KSR2: variants seen among roughly 807,000 people sequenced by gnomAD.
The protein encoded by KSR2 is kinase suppressor of ras 2.
Under a neutral mutation model 107.8 loss-of-function variants are expected in KSR2, and 25 were observed. That is an observed-to-expected ratio of 0.23 (90% CI 0.17 to 0.32). The LOEUF (loss-of-function observed/expected upper bound fraction) is 0.32, where lower values mean the gene tolerates loss of function less well. Among genes scored for constraint, KSR2 ranks in the 10% least tolerant of loss-of-function variants. The probability of loss-of-function intolerance (pLI) is 1.00; values close to 1 mark genes in which losing one functional copy is unlikely to be tolerated. For missense variants in KSR2, 887 were observed against 1,268.9 expected, an observed-to-expected ratio of 0.70 and a Z score of 4.57; for synonymous variants, 480 against 507.0, an observed-to-expected ratio of 0.95 and a Z score of 0.71.
intron 4 of KSR2, among the ~76,000 whole-genome samples, chr12:117,739,311 C>T (rs1888081352): frequency 6.6e-6 from 1 of 152,070 alleles, no homozygotes; most frequent in African/African-American, 2.4e-5. Context: ...GCCGAGAGCG[C>T]GCCACTGCAC....
chr12:117,697,146 G>A (rs1241514380), intron 4 of KSR2, among the ~76,000 whole-genome samples: 3 of 152,194 alleles, frequency 2.0e-5, no homozygotes, highest in Non-Finnish European at 4.4e-5. Flanking sequence ...CGAGATGGAA[G>A]GTTCCCTATC....
chr12:117,627,405 A>G (rs991790061), intron 5 of KSR2, among the ~76,000 whole-genome samples: 1 of 152,192 alleles, frequency 6.6e-6, no homozygotes, highest in Non-Finnish European at 1.5e-5. Context: ...GGTGGTGACA[A>G]AATCTCTCAG....
intron 1 of KSR2, among the ~76,000 whole-genome samples, chr12:117,927,458 G>A (rs569524695): frequency 2.0e-5 from 3 of 151,802 alleles, no homozygotes; most frequent in Admixed American, 1.3e-4. Flanking sequence ...TTGGGAGGCC[G>A]AGGCAGGTGG....
At chr12:117,929,797 C>T (rs1895646442) in intron 1 of KSR2, among the ~76,000 whole-genome samples, 1 of 152,100 alleles carries the variant, frequency 6.6e-6, no homozygotes. Flanking sequence ...ACAAGAGGTA[C>T]CTACAACAGG....
At chr12:117,919,423 G>A (rs992900737) in intron 1 of KSR2, among the ~76,000 whole-genome samples, 1 of 152,152 alleles carries the variant, frequency 6.6e-6, no homozygotes, top group Admixed American at 6.5e-5. Flanking sequence ...ATAAGTGGAG[G>A]GATCATCAGC....
rs568752625 is a variant in KSR2, at chr12:117,535,421, G to A, written c.1688-3714C>T. Among the ~76,000 whole-genome samples the A allele has an allele frequency of 6.6e-5, 10 of 152,266 alleles. No individual in the cohort carries two copies. In the South Asian group the frequency reaches 1.7e-3, roughly 25 times the overall value. On this transcript the variant is annotated intron_variant, in intron 10 of 19. Transcript: ENST00000339824. Reference sequence around the variant, plus strand: ...AAGTGAGTATGTAAACCAGATCATGGCACAGAGTGATGAGCATAAAAGAGG... The same window carrying A: ...AAGTGAGTATGTAAACCAGATCATGACACAGAGTGATGAGCATAAAAGAGG...
At chr12:117,688,930 T>C (rs1885701588) in intron 4 of KSR2, among the ~76,000 whole-genome samples, 1 of 152,162 alleles carries the variant, frequency 6.6e-6, no homozygotes. Flanking sequence ...CTGCCTCCTT[T>C]TTCCTTCCTT....
intron 9 of KSR2, among the ~76,000 whole-genome samples, chr12:117,550,187 A>ATGGCCTCCTGGAG (rs1369496994): frequency 6.6e-6 from 1 of 152,212 alleles, no homozygotes; most frequent in East Asian, 1.9e-4. Context: ...GGTGAGAGGA[A>ATGGCCTCCTGGAG]TGGCCTCCTG....
intron 3 of KSR2, among the ~76,000 whole-genome samples, chr12:117,805,217 C>T (rs1038565143): frequency 6.6e-6 from 1 of 152,212 alleles, no homozygotes; most frequent in African/African-American, 2.4e-5. Flanking sequence ...TTGTTAAATG[C>T]TAATCTCCCA....
chr12:117,517,169 G>C (rs1000586750), intron 14 of KSR2, among the ~76,000 whole-genome samples: 51 of 152,330 alleles, frequency 3.3e-4, no homozygotes, highest in Admixed American at 3.1e-3. Context: ...CCAAAAACTT[G>C]CATCTTGGAC....
intron 6 of KSR2, 115 bp downstream of exon 6, chr12:117,582,175 T>G (rs542547743): frequency 1.4e-5 from 11 of 791,806 alleles, no homozygotes; most frequent in Non-Finnish European, 2.1e-5. Flanking sequence ...GACATGGTGA[T>G]GTAGGTGCTG....
intron 3 of KSR2, among the ~76,000 whole-genome samples, chr12:117,796,635 G>A (rs1416975478): frequency 6.6e-6 from 1 of 152,126 alleles, no homozygotes; most frequent in Non-Finnish European, 1.5e-5. Context: ...ATTTCCCCAA[G>A]GCTCAGTTTC....
At chr12:117,577,002 A>G (rs1232044417) in intron 7 of KSR2, among the ~76,000 whole-genome samples, 2 of 152,064 alleles carry the variant, frequency 1.3e-5, no homozygotes, top group Admixed American at 1.3e-4. Context: ...CCACAACTCC[A>G]GGAGGAAAGG....
At chr12:117,915,759 C>T (rs550213555) in intron 1 of KSR2, among the ~76,000 whole-genome samples, 5 of 152,146 alleles carry the variant, frequency 3.3e-5, no homozygotes, top group Non-Finnish European at 7.3e-5. Flanking sequence ...GAAGCCTTCT[C>T]CAAGACCTGA....
intron 1 of KSR2, among the ~76,000 whole-genome samples, chr12:117,911,590 G>A (rs1895015117): frequency 6.6e-6 from 1 of 152,156 alleles, no homozygotes; most frequent in Non-Finnish European, 1.5e-5. Flanking sequence ...CCTCTGCTCT[G>A]ACAGCACTTG....
chr12:117,635,382 A>AATTCCAAT (rs1883017766), intron 5 of KSR2, among the ~76,000 whole-genome samples: 1 of 152,240 alleles, frequency 6.6e-6, no homozygotes, highest in African/African-American at 2.4e-5. Context: ...AATGAGTTAG[A>AATTCCAAT]ATTCCAATAA....
At chr12:117,536,503 C>T (rs1276144987) in intron 10 of KSR2, among the ~76,000 whole-genome samples, 1 of 152,078 alleles carries the variant, frequency 6.6e-6, no homozygotes, top group Non-Finnish European at 1.5e-5. Context: ...AGATAAAGTC[C>T]CTGTCCTCAA....
chr12:117,555,521 C>T (rs1877622638), intron 8 of KSR2, among the ~76,000 whole-genome samples: 1 of 152,166 alleles, frequency 6.6e-6, no homozygotes. Context: ...AATAATAAAA[C>T]TAAAGCTATC....
intron 4 of KSR2, among the ~76,000 whole-genome samples, chr12:117,703,777 G>A (rs1443843226): frequency 6.6e-6 from 1 of 152,116 alleles, no homozygotes; most frequent in Non-Finnish European, 1.5e-5. Context: ...CTGCTCTGCC[G>A]GGGCATACGT....
Sources: allele counts gnomAD v4.1 joint callset (sites outside exome capture counted in the v4.1 genomes callset), GRCh38; gene constraint gnomAD v4.1.1; transcripts MANE v1.5; gene names NCBI Gene and HGNC (gene_info 2026-07-23, HGNC 2026-07-21).